Variants in PNPLA7 observed in about 807,000 individuals in gnomAD.
PNPLA7 encodes patatin like domain 7, lysophospholipase, also known as patatin-like phospholipase domain-containing protein 7.
PNPLA7 carries 153 observed loss-of-function variants against 161.7 expected under a neutral mutation model. That is an observed-to-expected ratio of 0.95 (90% CI 0.83 to 1.08). The LOEUF is 1.08. Among genes scored for constraint, PNPLA7 ranks in the 50% least tolerant of loss-of-function variants. PNPLA7 has a pLI of 0.00. For missense variants in PNPLA7, 1,739 were observed against 1,856.6 expected, an observed-to-expected ratio of 0.94 and a Z score of 1.16; for synonymous variants, 809 against 782.1, an observed-to-expected ratio of 1.03 and a Z score of -0.57.
At chr9:137,539,236 G>A (rs1224455871) in intron 8 of PNPLA7, among the ~76,000 whole-genome samples, 3 of 151,300 alleles carry the variant, frequency 2.0e-5, no homozygotes, top group African/African-American at 7.3e-5. Flanking sequence ...CCAGCCACTC[G>A]GGAGGCTGAG....
chr9:137,550,218 G>C lies in PNPLA7; in HGVS notation c.-21C>G, dbSNP rs1836777915. On this transcript the variant is annotated 5_prime_UTR_variant, in exon 1 of 35. Transcript: ENST00000406427. Reference sequence around the variant, plus strand: ...TCCATGGCCAGAAACAGAAAAAACAGTCAGGGGCGAAAAGCAGACAGCCTG... The same window carrying C: ...TCCATGGCCAGAAACAGAAAAAACACTCAGGGGCGAAAAGCAGACAGCCTG... 1.2e-6 allele frequency: 2 copies of C among 1,613,058 alleles called. No homozygotes were observed. The highest frequency in any genetic ancestry group is 2.2e-5 in the East Asian group (1 of 44,876).
At chr9:137,501,524 G>T (rs1389891340) in intron 15 of PNPLA7, 126 bp downstream of exon 15, 2 of 900,926 alleles carry the variant, frequency 2.2e-6, no homozygotes, top group Non-Finnish European at 3.4e-6. Context: ...GCCCAGAGGG[G>T]CAGTGGCCCG....
Position 137,499,083 on chromosome 9 carries a change from C to T in PNPLA7, c.1758-838G>A, listed in dbSNP as rs573054483. 9.7e-4 allele frequency among the ~76,000 whole-genome samples: 148 copies of T among 152,086 alleles called. No individual in the cohort carries two copies. The highest frequency in any genetic ancestry group is 3.4e-3 in the African/African-American group (139 of 41,482). Reference sequence around the variant, plus strand: ...AGCCCTGGGATGCTGGCTGGGGTGACGGCTGCAAGGCACACCATGCACGGA... The same window carrying T: ...AGCCCTGGGATGCTGGCTGGGGTGATGGCTGCAAGGCACACCATGCACGGA... On this transcript the variant is annotated intron_variant, in intron 16 of 34. Coordinates refer to ENST00000406427, the MANE Select transcript of PNPLA7 (RefSeq NM_001098537.3). This position sits in a 1 kb window ranked among gnomAD's most constrained non-coding sequence, Gnocchi z 5.5.
chr9:137,460,545 G>C, intron 34 of PNPLA7, 69 bp from the exon 35 acceptor site: 5 of 1,600,440 alleles, frequency 3.1e-6, no homozygotes, highest in Non-Finnish European at 2.6e-6. Flanking sequence ...TGGTAACCCG[G>C]TGGGACCACA....
chr9:137,474,665 G>A (rs1387704879), intron 25 of PNPLA7, among the ~76,000 whole-genome samples: 2 of 152,006 alleles, frequency 1.3e-5, no homozygotes, highest in African/African-American at 4.8e-5. Context: ...ATAGGGGAGA[G>A]AAAAGACTAA....
chr9:137,474,239 A>AAAAC (rs1176683068), intron 25 of PNPLA7, among the ~76,000 whole-genome samples: 1 of 152,226 alleles, frequency 6.6e-6, no homozygotes, highest in East Asian at 1.9e-4. Context: ...ACCCCGTCTC[A>AAAAC]AAACAAACAA....
intron 8 of PNPLA7, among the ~76,000 whole-genome samples, chr9:137,531,984 C>G (rs1835603665): frequency 6.6e-6 from 1 of 152,160 alleles, no homozygotes; most frequent in South Asian, 2.1e-4. Context: ...CTGGGCTGGC[C>G]TAGAACTACG....
Position 137,540,696 on chromosome 9 carries a change from C to A in PNPLA7, c.693G>T (p.Glu231Asp). The change falls in exon 8 of 35, where the codon GAG becomes GAT. Residue 231 changes from glutamate (E) to aspartate (D), a missense_variant. Physicochemically the swap from Glu to Asp is conservative, Grantham distance 45. This residue lies in a region of PNPLA7 where 152 missense variants were observed against 193.5 expected (regional missense o/e 0.79). Coordinates refer to ENST00000406427, the MANE Select transcript of PNPLA7 (RefSeq NM_001098537.3). This position sits in a 1 kb window ranked among gnomAD's most constrained non-coding sequence, Gnocchi z 5.1. ...TGTGGACGCTGTCTCCCGCCAGAACCTCTTTCACCACCACCTCGGTGCCGT... is the reference window on the plus strand; with the variant it reads ...TGTGGACGCTGTCTCCCGCCAGAACATCTTTCACCACCACCTCGGTGCCGT... ...DTDGTEVVVKEVLAGDSVHSL... is the reference protein window; with the variant it reads ...DTDGTEVVVKDVLAGDSVHSL... 6.2e-7 allele frequency: 1 copy of A among 1,612,108 alleles called. No homozygotes were observed. The highest frequency in any genetic ancestry group is 8.5e-7 in the Non-Finnish European group (1 of 1,179,404).
chr9:137,502,177 A>G (rs1042416279), intron 14 of PNPLA7, among the ~76,000 whole-genome samples: 1 of 152,096 alleles, frequency 6.6e-6, no homozygotes, highest in Non-Finnish European at 1.5e-5. Context: ...TGCCCAACAC[A>G]CTGGAACCCA....
chr9:137,461,354 G>A lies in PNPLA7; in HGVS notation c.3841+182C>T, dbSNP rs1831184134. On this transcript the variant is annotated intron_variant, in intron 33 of 34. Transcript: ENST00000406427. ...GACCCGGGGTGGTCACAGTCCCACT[G>A]CTGTGGGAACACGTGGTGCCCGGGA... The A allele has an allele frequency of 1.3e-5, 8 of 635,806 alleles. No homozygotes were observed. The South Asian group carries it at 1.7e-4, about 13-fold the overall frequency. The allele number at this position is 635,806 out of a possible 1,614,324, so 39.4% of individuals were successfully genotyped here.
At chr9:137,470,063 A>T (rs1831641136) in intron 25 of PNPLA7, among the ~76,000 whole-genome samples, 1 of 152,116 alleles carries the variant, frequency 6.6e-6, no homozygotes, top group Non-Finnish European at 1.5e-5. Context: ...TCTAGCTCTC[A>T]CCCAGGCTGG....
intron 12 of PNPLA7, among the ~76,000 whole-genome samples, chr9:137,512,292 G>A (rs1050481049): frequency 1.3e-5 from 2 of 152,254 alleles, no homozygotes; most frequent in Admixed American, 1.3e-4. Context: ...GCACCACCAC[G>A]AGAAGGTGGG....
chr9:137,535,752 CAA>C (rs60744369), intron 8 of PNPLA7, among the ~76,000 whole-genome samples: 5 of 99,190 alleles, frequency 5.0e-5, no homozygotes, highest in Admixed American at 1.1e-4. Flanking sequence ...GACCCCGTCT[CAA>C]AAAAAAAAAA....
intron 8 of PNPLA7, among the ~76,000 whole-genome samples, chr9:137,538,599 C>A (rs1836018738): frequency 6.6e-6 from 1 of 152,162 alleles, no homozygotes; most frequent in African/African-American, 2.4e-5. Context: ...ACACAGCTAA[C>A]AATGAATGCA....
At chr9:137,464,557 G>A in intron 26 of PNPLA7, 101 bp from the exon 27 acceptor site, 2 of 1,068,568 alleles carry the variant, frequency 1.9e-6, no homozygotes, top group Non-Finnish European at 2.9e-6. Context: ...TGGAACGGGG[G>A]TCCAGAGTGT....
intron 14 of PNPLA7, among the ~76,000 whole-genome samples, chr9:137,502,703 C>CGGGGGGACGCGGGGGGCGGGGGGGACG (rs1396377109): frequency 8.9e-5 from 1 of 11,192 alleles, no homozygotes. Context: ...GGGGGGGACG[C>CGGGGGGACGCGGGGGGCGGGGGGGACG]GGGGGACGCG....
At chr9:137,542,516 C>T (rs1836260190) in intron 7 of PNPLA7, 126 bp downstream of exon 7, 2 of 1,094,978 alleles carry the variant, frequency 1.8e-6, no homozygotes, top group Non-Finnish European at 2.5e-6. Context: ...GGTGAGTTTT[C>T]CCCCAAAGAA....
chr9:137,493,293 C>T (rs1202971386), intron 19 of PNPLA7, among the ~76,000 whole-genome samples: 2 of 152,216 alleles, frequency 1.3e-5, no homozygotes, highest in African/African-American at 4.8e-5. Flanking sequence ...CCCAGGTAAG[C>T]CATACGGCTG....
chr9:137,515,321 T>C (rs1834471578), intron 12 of PNPLA7, 58 bp downstream of exon 12: 1 of 1,566,372 alleles, frequency 6.4e-7, no homozygotes, highest in Non-Finnish European at 8.6e-7. Context: ...TCAGCCTGGG[T>C]CTCAGATGCC....
Sources: gnomAD v4.1 joint callset for allele counts (sites outside exome capture counted in the v4.1 genomes callset) on GRCh38, gnomAD v4.1.1 for gene constraint, gnomAD v4.1.1 regional missense constraint, Gnocchi (gnomAD v3.1) non-coding constraint, MANE v1.5 for transcripts, NCBI Gene and HGNC (gene_info 2026-07-23, HGNC 2026-07-21) for gene names.